Variants in UBE2D1 observed in about 807,000 individuals in gnomAD.
UBE2D1 encodes ubiquitin-conjugating enzyme E2 D1.
Under a neutral mutation model 24.6 loss-of-function variants are expected in UBE2D1, and 9 were observed. The ratio of observed to expected loss-of-function variants is 0.37; its 90% CI spans 0.22 to 0.64. The LOEUF (loss-of-function observed/expected upper bound fraction) is 0.64. UBE2D1 is among the 30% of genes least tolerant of loss of function. The pLI is 0.64. For synonymous variants in UBE2D1, 57 were observed against 57.6 expected (o/e 0.99, Z 0.04); for missense variants, 87 against 177.1 (o/e 0.49, Z 2.89).
intron 1 of UBE2D1, among the ~76,000 whole-genome samples, chr10:58,336,814 A>G (rs1415474811): frequency 6.6e-6 from 1 of 152,140 alleles, no homozygotes; most frequent in African/African-American, 2.4e-5. Flanking sequence ...GATTTTGCAC[A>G]TACAAGAGCT....
intron 1 of UBE2D1, among the ~76,000 whole-genome samples, chr10:58,342,908 C>G (rs750703137): frequency 2.3e-4 from 34 of 150,574 alleles, no homozygotes; most frequent in Admixed American, 6.6e-4. Context: ...CGGCTCACTG[C>G]AACCTCTGCT....
intron 1 of UBE2D1, among the ~76,000 whole-genome samples, chr10:58,355,721 T>A (rs1234610780): frequency 6.6e-6 from 1 of 152,194 alleles, no homozygotes; most frequent in African/African-American, 2.4e-5. Context: ...AAAAAAGTTG[T>A]TAAAATAATA....
intron 1 of UBE2D1, among the ~76,000 whole-genome samples, chr10:58,349,475 G>A (rs1220791096): frequency 1.3e-5 from 2 of 152,072 alleles, no homozygotes; most frequent in Non-Finnish European, 2.9e-5. Flanking sequence ...AAATGAAACC[G>A]AAATACACAA....
chr10:58,359,061 T>C (rs1441968973), intron 1 of UBE2D1, among the ~76,000 whole-genome samples: 1 of 142,432 alleles, frequency 7.0e-6, no homozygotes, highest in African/African-American at 2.6e-5. Flanking sequence ...TACCAAGGTA[T>C]ACTGGAAAAT....
intron 1 of UBE2D1, among the ~76,000 whole-genome samples, chr10:58,359,368 C>G (rs888557832): frequency 1.1e-4 from 17 of 152,172 alleles, no homozygotes; most frequent in African/African-American, 4.1e-4. Flanking sequence ...CAGTTGATGA[C>G]ATCTTAGATT....
intron 1 of UBE2D1, among the ~76,000 whole-genome samples, chr10:58,354,337 T>C (rs1170804878): frequency 6.6e-6 from 1 of 152,060 alleles, no homozygotes; most frequent in Non-Finnish European, 1.5e-5. Context: ...AAGAAAATTA[T>C]AAGGGCCAGA....
chr10:58,348,975 A>G (rs1840044609), intron 1 of UBE2D1, among the ~76,000 whole-genome samples: 1 of 152,148 alleles, frequency 6.6e-6, no homozygotes, highest in Non-Finnish European at 1.5e-5. Context: ...CACTCAGCAT[A>G]TTGTGGGGGT....
intron 1 of UBE2D1, among the ~76,000 whole-genome samples, chr10:58,336,337 C>T (rs1839903068): frequency 6.6e-6 from 1 of 152,154 alleles, no homozygotes; most frequent in African/African-American, 2.4e-5. Context: ...GAAATTGATG[C>T]CCACATTTTT....
In UBE2D1 at chr10:58,355,773, T is replaced by G. The variant is rs142509070; in HGVS notation, c.25-5565T>G. On this transcript the variant is annotated intron_variant, in intron 1 of 6. Transcript: ENST00000373910. ...TTAACCTAACTTCCCCTAATACAAC[T>G]TATATAACCACTGTGCAGTTAAACA... Among the ~76,000 whole-genome samples, 148 of 152,284 alleles carry G rather than the reference T, an allele frequency of 9.7e-4. 1 individual carries two copies. The highest frequency in any genetic ancestry group is 3.5e-3 in the African/African-American group (146 of 41,570).
chr10:58,344,115 C>T (rs1184756027), intron 1 of UBE2D1, among the ~76,000 whole-genome samples: 2 of 152,140 alleles, frequency 1.3e-5, no homozygotes, highest in South Asian at 2.1e-4. Flanking sequence ...AAATAGTATT[C>T]GTTTCTAACC....
Position 58,361,407 on chromosome 10 carries a change from C to G in UBE2D1, c.88+6C>G. 2 of 1,614,142 alleles carry G rather than the reference C, an allele frequency of 1.2e-6. No homozygotes were observed. The highest frequency in any genetic ancestry group is 1.7e-6 in the Non-Finnish European group (2 of 1,180,028). ...TGGACCTGTGGGAGATGACTGTAAG[C>G]CTTGCTCTATTTCTGGGATTATGCT... On this transcript the variant is annotated splice_donor_region_variant and intron_variant, in intron 2 of 6. Transcript: ENST00000373910.
intron 1 of UBE2D1, among the ~76,000 whole-genome samples, chr10:58,344,229 C>T (rs532789926): frequency 6.6e-6 from 1 of 152,250 alleles, no homozygotes; most frequent in South Asian, 2.1e-4. Context: ...GTGCAAATGG[C>T]CTTAATACAG....
intron 1 of UBE2D1, among the ~76,000 whole-genome samples, chr10:58,355,023 A>G (rs1038539666): frequency 3.3e-5 from 5 of 152,210 alleles, no homozygotes; most frequent in African/African-American, 1.2e-4. Flanking sequence ...CTTACAGATG[A>G]CAGCTGGATT....
intron 1 of UBE2D1, among the ~76,000 whole-genome samples, chr10:58,359,711 G>A (rs1840173804): frequency 1.3e-5 from 2 of 152,166 alleles, no homozygotes; most frequent in South Asian, 4.1e-4. Flanking sequence ...AGTGAAGTAT[G>A]TCACCTTAAC....
In UBE2D1 at chr10:58,335,139, C is replaced by T. The variant is rs1839886819; in HGVS notation, c.-63C>T. 1 of 1,521,280 alleles carries T rather than the reference C, an allele frequency of 6.6e-7. No homozygotes were observed. The highest frequency in any genetic ancestry group is 2.0e-5 in the Admixed American group (1 of 50,504). 94.2% of individuals were successfully genotyped at this position (1,521,280 alleles called of 1,614,324 possible). On this transcript the variant is annotated 5_prime_UTR_variant, in exon 1 of 7. Coordinates refer to ENST00000373910, the MANE Select transcript of UBE2D1 (RefSeq NM_003338.5). ...GCCAGCGAGCCCAACCCGCGACGAC[C>T]CACGCCCCTGAGCCCCGCAGCCGAC...
chr10:58,342,345 T>TG (rs1418169248), intron 1 of UBE2D1, among the ~76,000 whole-genome samples: 3 of 151,906 alleles, frequency 2.0e-5, no homozygotes, highest in Non-Finnish European at 4.4e-5. Context: ...GATTCCTGGG[T>TG]TTTTTTTCAG....
intron 5 of UBE2D1, among the ~76,000 whole-genome samples, chr10:58,367,592 T>C (rs891461344): frequency 1.3e-5 from 2 of 152,158 alleles, no homozygotes; most frequent in Non-Finnish European, 2.9e-5. Flanking sequence ...TTAACTGTAA[T>C]TTGATTGTTC....
Position 58,364,553 on chromosome 10 carries a change from G to A in UBE2D1, c.199-218G>A, listed in dbSNP as rs1171447978. ...CCAAAATACTCTTCAGTTCCTTTGA[G>A]GGCAAAAGAAGGAAGCTGACTTGTT... On this transcript the variant is annotated intron_variant, in intron 4 of 6. Coordinates refer to ENST00000373910, the MANE Select transcript of UBE2D1 (RefSeq NM_003338.5). The A allele has an allele frequency of 1.1e-5, 5 of 473,624 alleles. No individual in the cohort carries two copies. In the Admixed American group the frequency reaches 1.9e-4, roughly 18 times the overall value. The allele number at this position is 473,624 out of a possible 1,614,324, so 29.3% of individuals were successfully genotyped here.
At chr10:58,364,536 C>A in intron 4 of UBE2D1, 1 of 429,288 alleles carries the variant, frequency 2.3e-6, no homozygotes. Context: ...GTCCAAAATA[C>A]TCTTCAGTTC....
Sources: gnomAD v4.1 joint callset for allele counts (sites outside exome capture counted in the v4.1 genomes callset) on GRCh38, gnomAD v4.1.1 for gene constraint, MANE v1.5 for transcripts, NCBI Gene and HGNC (gene_info 2026-07-23, HGNC 2026-07-21) for gene names.